Variants in FGF5 observed in about 807,000 individuals in gnomAD.
FGF5 encodes fibroblast growth factor 5.
FGF5 carries 23 observed loss-of-function variants against 21.8 expected under a neutral mutation model. The observed-to-expected ratio is 1.05, with a 90% CI of 0.76 to 1.49. FGF5 has a LOEUF of 1.49. Among genes scored for constraint, FGF5 ranks in the 40% most tolerant of loss-of-function variants. The pLI, the probability that FGF5 is intolerant of heterozygous loss-of-function variation, is 0.00. For synonymous variants in FGF5, 158 were observed against 124.0 expected, an observed-to-expected ratio of 1.27 and a Z score of -1.82; for missense variants, 352 against 332.9, an observed-to-expected ratio of 1.06 and a Z score of -0.45.
chr4:80,287,648 A>G lies in FGF5; in HGVS notation c.*976A>G, dbSNP rs1323566634. 1 of 152,202 alleles carries G rather than the reference A, an allele frequency of 6.6e-6. No homozygotes were observed. The highest frequency in any genetic ancestry group is 1.5e-5 in the Non-Finnish European group (1 of 68,032). 9.4% of individuals were successfully genotyped at this position (152,202 alleles called of 1,614,324 possible). On this transcript the variant is annotated 3_prime_UTR_variant, in exon 3 of 3. Coordinates refer to ENST00000312465, the MANE Select transcript of FGF5 (RefSeq NM_004464.4). Reference sequence around the variant, plus strand: ...CATGAAGCATACACTATGAAATTCAAGTGCTTAAAAATACTTCTATGACTC... The same window carrying G: ...CATGAAGCATACACTATGAAATTCAGGTGCTTAAAAATACTTCTATGACTC...
chr4:80,285,401 C>G (rs1196519766), intron 2 of FGF5, among the ~76,000 whole-genome samples: 2 of 152,144 alleles, frequency 1.3e-5, no homozygotes, highest in Admixed American at 6.5e-5. Flanking sequence ...TCTTATTTTG[C>G]CTTCCTCTCT....
At chr4:80,269,801 T>TC (rs994693406) in intron 1 of FGF5, among the ~76,000 whole-genome samples, 2 of 151,856 alleles carry the variant, frequency 1.3e-5, no homozygotes, top group African/African-American at 4.8e-5. Flanking sequence ...TTTTTTTTTT[T>TC]CCCCAGAAGA....
intron 2 of FGF5, among the ~76,000 whole-genome samples, chr4:80,283,915 T>C (rs904639893): frequency 1.3e-5 from 2 of 152,186 alleles, no homozygotes; most frequent in Admixed American, 1.3e-4. Context: ...TGAAATAAAA[T>C]GTTGGGATTA....
At chr4:80,268,442 A>G in intron 1 of FGF5, 1 of 982,142 alleles carries the variant, frequency 1.0e-6, no homozygotes, top group Non-Finnish European at 1.2e-6. Context: ...GCTCCATCTC[A>G]GACCAAAGAC....
chr4:80,288,102 C>A lies in FGF5; in HGVS notation c.*1430C>A, dbSNP rs888741749. 6.6e-6 allele frequency: 1 copy of A among 152,100 alleles called. No individual in the cohort carries two copies. The highest frequency in any genetic ancestry group is 1.5e-5 in the Non-Finnish European group (1 of 67,996). 9.4% of individuals were successfully genotyped at this position (152,100 alleles called of 1,614,324 possible). A position where few individuals can be genotyped will look rare whatever the true frequency, so the allele number is the denominator to read the frequency against. On this transcript the variant is annotated 3_prime_UTR_variant, in exon 3 of 3. Transcript: ENST00000312465. Reference sequence around the variant, plus strand: ...CAGAAATGTGGCAAAAAAGGCATAGCTAAAGGCTAAACATATGGCTTTAGT... The same window carrying A: ...CAGAAATGTGGCAAAAAAGGCATAGATAAAGGCTAAACATATGGCTTTAGT...
Position 80,285,304 on chromosome 4 carries a change from G to A in FGF5, c.460-1021G>A, listed in dbSNP as rs574807613. ...CTCCTTACTTCCCACATGCATCCTA[G>A]GTAGAGGTCACGCTGAACTACTTAC... On this transcript the variant is annotated intron_variant, in intron 2 of 2. Transcript: ENST00000312465. 3.3e-5 allele frequency among the ~76,000 whole-genome samples: 5 copies of A among 152,212 alleles called. No individual in the cohort carries two copies. In the East Asian group the frequency reaches 9.7e-4, roughly 29 times the overall value.
chr4:80,272,454 T>C (rs1386519608), intron 1 of FGF5, among the ~76,000 whole-genome samples: 1 of 152,164 alleles, frequency 6.6e-6, no homozygotes, highest in Non-Finnish European at 1.5e-5. Flanking sequence ...GTTAAATGCA[T>C]CTAAATGGGT....
At chr4:80,268,104 T>C (rs1209091891) in intron 1 of FGF5, among the ~76,000 whole-genome samples, 1 of 152,164 alleles carries the variant, frequency 6.6e-6, no homozygotes, top group Non-Finnish European at 1.5e-5. Context: ...TTCAGCACGC[T>C]CTCTTTTTTC....
chr4:80,283,303 G>A (rs558832716), intron 2 of FGF5, among the ~76,000 whole-genome samples: 2 of 152,126 alleles, frequency 1.3e-5, no homozygotes, highest in South Asian at 4.2e-4. Context: ...GTAACAGTTA[G>A]GTGACCTTTG....
chr4:80,283,854 G>C (rs554755911), intron 2 of FGF5, among the ~76,000 whole-genome samples: 18 of 151,482 alleles, frequency 1.2e-4, no homozygotes, highest in African/African-American at 4.4e-4. Context: ...TAAAATTCTT[G>C]TGATCTGTTT....
At chr4:80,281,065 G>C (rs1241972536) in intron 2 of FGF5, among the ~76,000 whole-genome samples, 1 of 152,098 alleles carries the variant, frequency 6.6e-6, no homozygotes, top group East Asian at 1.9e-4. Flanking sequence ...GAAGAACTGA[G>C]ATATAGAAGG....
intron 2 of FGF5, among the ~76,000 whole-genome samples, chr4:80,283,786 A>C (rs931029420): frequency 1.3e-5 from 2 of 152,104 alleles, no homozygotes; most frequent in Non-Finnish European, 2.9e-5. Flanking sequence ...GAAAAAAAAA[A>C]CCCGAGACAA....
intron 2 of FGF5, among the ~76,000 whole-genome samples, chr4:80,284,295 A>T (rs923070252): frequency 6.6e-6 from 1 of 152,106 alleles, no homozygotes; most frequent in Non-Finnish European, 1.5e-5. Flanking sequence ...TTAGCTGGGC[A>T]TGGTGGCACA....
At chr4:80,280,621 T>C (rs1720524882) in intron 2 of FGF5, among the ~76,000 whole-genome samples, 1 of 152,206 alleles carries the variant, frequency 6.6e-6, no homozygotes, top group African/African-American at 2.4e-5. Context: ...TTTTCTTTAC[T>C]TCTCTGGCTG....
intron 2 of FGF5, among the ~76,000 whole-genome samples, chr4:80,282,106 G>A (rs1252907024): frequency 6.6e-6 from 1 of 152,100 alleles, no homozygotes; most frequent in Admixed American, 6.5e-5. Context: ...GAGATTACAG[G>A]CGCGCACAAC....
At chr4:80,276,297 G>A (rs960866809) in intron 2 of FGF5, among the ~76,000 whole-genome samples, 5 of 151,742 alleles carry the variant, frequency 3.3e-5, no homozygotes, top group Admixed American at 6.6e-5. Context: ...TAACATAAAT[G>A]GAAATCCTTT....
At chr4:80,271,194 G>T (rs925204174) in intron 1 of FGF5, among the ~76,000 whole-genome samples, 5 of 152,146 alleles carry the variant, frequency 3.3e-5, no homozygotes, top group Non-Finnish European at 7.3e-5. Flanking sequence ...AATGTGTATA[G>T]TTGTATCAAC....
At position 80,274,990 on chromosome 4, in the gene FGF5, A is replaced by T. The variant is rs1720371491; in HGVS notation, c.437A>T (p.Lys146Ile). 1 of 1,567,912 alleles carries T rather than the reference A, an allele frequency of 6.4e-7. No individual in the cohort carries two copies. Among genetic ancestry groups the T allele is most frequent in the African/African-American group, 1.4e-5 (1 of 73,628 alleles). Residue 146 changes from lysine (K) to isoleucine (I), a missense_variant, in exon 2 of 3, where the codon AAA (lysine) becomes ATA (isoleucine). Physicochemically the swap from Lys to Ile is moderately radical, Grantham distance 102 (BLOSUM62 -3). Coordinates refer to ENST00000312465, the MANE Select transcript of FGF5 (RefSeq NM_004464.4). Reference protein sequence around the residue: ...VFSNKFLAMSKKGKLHASAKF... With the variant: ...VFSNKFLAMSIKGKLHASAKF... ...AGCAACAAATTTTTAGCGATGTCAAAAAAAGGAAAACTCCATGCAAGTGTA... is the reference window on the plus strand; with the variant it reads ...AGCAACAAATTTTTAGCGATGTCAATAAAAGGAAAACTCCATGCAAGTGTA...
rs1228698390 is a variant in FGF5 at position 80,289,589 on chromosome 4, AATTAT to A, written c.*2923_*2927del. ...TCCAGACTAACATGTCAGTTTTATCAATTATATTATGTTTAATTATTTAAGATTTC... is the reference window on the plus strand; with the variant it reads ...TCCAGACTAACATGTCAGTTTTATCAATTATGTTTAATTATTTAAGATTTC... On this transcript the variant is annotated 3_prime_UTR_variant, in exon 3 of 3. Transcript: ENST00000312465. 6.6e-6 allele frequency: 1 copy of A among 152,216 alleles called. No individual in the cohort carries two copies. Among genetic ancestry groups the A allele is most frequent in the South Asian group, 2.1e-4 (1 of 4,824 alleles). The allele number at this position is 152,216 out of a possible 1,614,324, so 9.4% of individuals were successfully genotyped here.
Sources: allele counts gnomAD v4.1 joint callset (sites outside exome capture counted in the v4.1 genomes callset), GRCh38; gene constraint gnomAD v4.1.1; transcripts MANE v1.5; gene names NCBI Gene and HGNC (gene_info 2026-07-23, HGNC 2026-07-21).